Variants in RAB3IL1 observed in about 807,000 individuals in gnomAD.
The protein encoded by RAB3IL1 is RAB3A interacting protein like 1.
Under a neutral mutation model 49.2 loss-of-function variants are expected in RAB3IL1, and 37 were observed. That is an observed-to-expected ratio of 0.75 (90% confidence interval 0.58 to 0.99). The LOEUF is 0.99. Ranked by LOEUF, RAB3IL1 falls within the 50% of genes least tolerant of loss-of-function variation. The pLI is 0.00. For missense variants in RAB3IL1, 484 were observed against 513.0 expected (o/e 0.94, Z 0.55); for synonymous variants, 193 against 213.9 (o/e 0.90, Z 0.85).
At chr11:61,916,077 G>GT (rs1939672466) in intron 1 of RAB3IL1, among the ~76,000 whole-genome samples, 1 of 150,788 alleles carries the variant, frequency 6.6e-6, no homozygotes, top group African/African-American at 2.4e-5. Flanking sequence ...AGGGCGTGGT[G>GT]GTAAAAGCCT....
chr11:61,924,192 G>A (rs532384224), upstream of RAB3IL1, among the ~76,000 whole-genome samples: 14 of 152,318 alleles, frequency 9.2e-5, no homozygotes, highest in South Asian at 2.7e-3. Context: ...AGGTGGTACA[G>A]CATGCTGGGT....
intron 1 of RAB3IL1, among the ~76,000 whole-genome samples, chr11:61,911,016 G>A (rs937876122): frequency 7.2e-5 from 11 of 152,240 alleles, no homozygotes; most frequent in Non-Finnish European, 1.5e-4. Flanking sequence ...CACAGTGAAA[G>A]ACTAACTCTC....
chr11:61,908,027 A>AC (rs1211019072), intron 2 of RAB3IL1, 27 bp downstream of exon 2: 2 of 1,578,866 alleles, frequency 1.3e-6, no homozygotes, highest in East Asian at 2.3e-5. Flanking sequence ...CCCACCGAAG[A>AC]CCCCCCAGCC....
chr11:61,902,649 A>C (rs2136025857), intron 7 of RAB3IL1, 108 bp from the exon 8 acceptor site: 1 of 998,774 alleles, frequency 1.0e-6, no homozygotes, highest in Non-Finnish European at 1.5e-6. Flanking sequence ...GGGGAGGGGC[A>C]GGCCTCCCTT....
In RAB3IL1 at chr11:61,908,952, C is replaced by T. The variant is rs566036034; in HGVS notation, c.12-646G>A. ...CCTGCCTTGTGACCTCAGGCAAACA[C>T]CCCCTTCTCTGGGCCTCAGGACCCT... On this transcript the variant is annotated intron_variant, in intron 1 of 9. Coordinates refer to ENST00000394836, the MANE Select transcript of RAB3IL1 (RefSeq NM_013401.4). 5.9e-5 allele frequency among the ~76,000 whole-genome samples: 9 copies of T among 152,340 alleles called. No individual in the cohort carries two copies. In the East Asian group the frequency reaches 1.5e-3, roughly 26 times the overall value.
chr11:61,930,523 A>T, the RAB3IL1 span, among the ~76,000 whole-genome samples: 1,388 of 152,320 alleles, frequency 9.1e-3, 25 homozygotes, highest in African/African-American at 0.032. Flanking sequence ...TTATGCATGT[A>T]ATCCCAGCAC....
chr11:61,897,459 C>G lies in RAB3IL1; in HGVS notation c.*819G>C, dbSNP rs972200396. On this transcript the variant is annotated 3_prime_UTR_variant, in exon 10 of 10. Coordinates refer to ENST00000394836, the MANE Select transcript of RAB3IL1 (RefSeq NM_013401.4). ...AGGGCCCAGGTCCTGCCTGCCCACCCAGGCCCCACATGCCAGGGCGCGTGT... is the reference window on the plus strand; with the variant it reads ...AGGGCCCAGGTCCTGCCTGCCCACCGAGGCCCCACATGCCAGGGCGCGTGT... 13 of 152,450 alleles carry G rather than the reference C, an allele frequency of 8.5e-5. No homozygotes were observed. The highest frequency in any genetic ancestry group is 2.7e-4 in the African/African-American group (11 of 41,424). The allele number at this position is 152,450 out of a possible 1,614,324, so 9.4% of individuals were successfully genotyped here.
chr11:61,906,305 T>C lies in RAB3IL1; in HGVS notation c.657+161A>G, dbSNP rs1939178295. The stretch of plus-strand genomic sequence containing the variant: ...GCCAAGTGCCTCAGATCACAGGAGG[T>C]TGGAGAGAAAGGACCTGCCCAGCCC... On this transcript the variant is annotated intron_variant, in intron 5 of 9. Transcript: ENST00000394836. This position sits in a 1 kb window ranked among gnomAD's most constrained non-coding sequence, Gnocchi z 4.6. 1.3e-5 allele frequency among the ~76,000 whole-genome samples: 2 copies of C among 151,794 alleles called. No homozygotes were observed. Among genetic ancestry groups the C allele is most frequent in the African/African-American group, 4.8e-5 (2 of 41,302 alleles).
rs1736896778 is a variant in RAB3IL1 at position 61,906,135 on chromosome 11, C to T, written c.657+331G>A. Among the ~76,000 whole-genome samples the T allele has an allele frequency of 6.6e-6, 1 of 152,092 alleles. No individual in the cohort carries two copies. The highest frequency in any genetic ancestry group is 2.4e-5 in the African/African-American group (1 of 41,412). Reference sequence around the variant, plus strand: ...GTGGCTGCTGCTTGGCCTCTTAAGGCCAAGGAAGTGTGTGTCTCAGTGGAG... The same window carrying T: ...GTGGCTGCTGCTTGGCCTCTTAAGGTCAAGGAAGTGTGTGTCTCAGTGGAG... On this transcript the variant is annotated intron_variant, in intron 5 of 9. Coordinates refer to ENST00000394836, the MANE Select transcript of RAB3IL1 (RefSeq NM_013401.4). This position sits in a 1 kb window ranked among gnomAD's most constrained non-coding sequence, Gnocchi z 4.6.
Position 61,898,923 on chromosome 11 carries a change from C to T in RAB3IL1, c.1066+391G>A. On this transcript the variant is annotated intron_variant, in intron 9 of 9. Coordinates refer to ENST00000394836, the MANE Select transcript of RAB3IL1 (RefSeq NM_013401.4). The surrounding 1 kb of genome is among the most constrained non-coding windows in gnomAD (Gnocchi z 5.1). ...TGGAGGAGCGGGGAGCCAGGCCTTG[C>T]AGAATGGGCTGTGGGGGGAGGGGGT... The T allele has an allele frequency of 2.1e-6, 1 of 479,262 alleles. No individual in the cohort carries two copies. The highest frequency in any genetic ancestry group is 1.5e-5 in the South Asian group (1 of 64,710). 29.7% of individuals were successfully genotyped at this position (479,262 alleles called of 1,614,324 possible).
At chr11:61,937,496 C>G in the RAB3IL1 span, among the ~76,000 whole-genome samples, 7 of 151,832 alleles carry the variant, frequency 4.6e-5, no homozygotes, top group African/African-American at 1.7e-4. Context: ...TGGCTAGATA[C>G]GGGGTCTTTC....
chr11:61,914,114 G>A (rs576692747), intron 1 of RAB3IL1, among the ~76,000 whole-genome samples: 27 of 152,282 alleles, frequency 1.8e-4, no homozygotes, highest in Admixed American at 9.2e-4. Context: ...CTTGTCTCAC[G>A]GCCTCTAGTC....
chr11:61,944,094 A>C, the RAB3IL1 span, among the ~76,000 whole-genome samples: 1 of 151,880 alleles, frequency 6.6e-6, no homozygotes, highest in African/African-American at 2.4e-5. Context: ...CCCTCCTTCA[A>C]AATAAATTAA....
chr11:61,921,732 G>A (rs534198185), upstream of RAB3IL1, among the ~76,000 whole-genome samples: 6 of 152,306 alleles, frequency 3.9e-5, no homozygotes, highest in African/African-American at 1.4e-4. Context: ...GTGGGATGGT[G>A]TGAATGTGCC....
chr11:61,916,711 G>T (rs1360210306), intron 1 of RAB3IL1, among the ~76,000 whole-genome samples: 1 of 152,194 alleles, frequency 6.6e-6, no homozygotes, highest in African/African-American at 2.4e-5. Flanking sequence ...ACAGGGCAGG[G>T]GTCCCACATC....
At position 61,904,808 on chromosome 11, in the gene RAB3IL1, C is replaced by T; in HGVS notation, c.732G>A (p.Leu244=). The change falls in exon 6 of 10, where the codon CTG becomes CTA. Residue 244 remains leucine (L), a synonymous_variant. Transcript: ENST00000394836. ...SPTLDKTCPF[L]ERVYREDVGP... ...CCACGTCCTCTCGGTACACCCTTTC[C>T]AGGAAGGGGCAGGTCTTGTCCAGGG... is the stretch of plus-strand genomic sequence containing the variant. 1 of 1,611,540 alleles carries T rather than the reference C, an allele frequency of 6.2e-7. No homozygotes were observed. The highest frequency in any genetic ancestry group is 8.5e-7 in the Non-Finnish European group (1 of 1,179,118).
At chr11:61,940,140 G>A in the RAB3IL1 span, among the ~76,000 whole-genome samples, 1 of 152,012 alleles carries the variant, frequency 6.6e-6, no homozygotes, top group African/African-American at 2.4e-5. Context: ...GCAAGATGCT[G>A]TCTCTAAAGT....
upstream of RAB3IL1, among the ~76,000 whole-genome samples, chr11:61,924,013 TCAGGC>T (rs1216982442): frequency 6.6e-6 from 1 of 152,054 alleles, no homozygotes; most frequent in Non-Finnish European, 1.5e-5. Flanking sequence ...ACAGCTTTGC[TCAGGC>T]CAACCTGGTG....
At chr11:61,935,433 A>T in the RAB3IL1 span, among the ~76,000 whole-genome samples, 1 of 122,808 alleles carries the variant, frequency 8.1e-6, no homozygotes. Flanking sequence ...AAAAAAAAAA[A>T]AAAAAGAAAG....
Sources: allele counts gnomAD v4.1 joint callset (sites outside exome capture counted in the v4.1 genomes callset), GRCh38; gene constraint gnomAD v4.1.1; non-coding constraint Gnocchi (gnomAD v3.1); transcripts MANE v1.5; gene names NCBI Gene and HGNC (gene_info 2026-07-23, HGNC 2026-07-21).